Variants in RIMBP2 observed in about 807,000 individuals in gnomAD.
The protein encoded by RIMBP2 is RIMS binding protein 2.
In RIMBP2, 48 loss-of-function variants were observed where a neutral mutation model predicts 118.6. That is an observed-to-expected ratio of 0.40 (90% CI 0.32 to 0.51). The LOEUF (loss-of-function observed/expected upper bound fraction) is 0.51. RIMBP2 is among the 20% of genes least tolerant of loss of function. The probability of loss-of-function intolerance (pLI) is 0.41; values close to 1 mark genes in which losing one functional copy is unlikely to be tolerated. For missense variants in RIMBP2, 1,551 were observed against 1,768.3 expected, an observed-to-expected ratio of 0.88 and a Z score of 2.20; for synonymous variants, 762 against 742.9, an observed-to-expected ratio of 1.03 and a Z score of -0.42.
intron 17 of RIMBP2, chr12:130,414,565 CTCA>C: frequency 3.2e-6 from 1 of 312,360 alleles, no homozygotes; most frequent in Admixed American, 4.6e-5. Context: ...CGGGGGCCTC[CTCA>C]GAGAGCACAG....
At chr12:130,685,672 G>T (rs78936523) in intron 1 of RIMBP2, among the ~76,000 whole-genome samples, 2,639 of 152,230 alleles carry the variant, frequency 0.017, 81 homozygotes, top group African/African-American at 0.061. Context: ...GCCCTTGAAC[G>T]GCTCAGGTTA....
intron 21 of RIMBP2, among the ~76,000 whole-genome samples, chr12:130,405,564 C>T (rs886337111): frequency 6.6e-6 from 1 of 152,052 alleles, no homozygotes; most frequent in African/African-American, 2.4e-5. Flanking sequence ...GAGATAACCC[C>T]ACCCCATTCC....
rs1210794491 is a variant in RIMBP2 at position 130,535,730 on chromosome 12, T to C, written c.-216-17813A>G. Among the ~76,000 whole-genome samples, 6 of 19,036 alleles carry C rather than the reference T, an allele frequency of 3.2e-4. No homozygotes were observed. In the South Asian group the frequency reaches 8.2e-3, roughly 26 times the overall value. The allele number at this position is 19,036 out of a possible 152,430, so 12.5% of individuals were successfully genotyped here. ...ACATATACATATACATATATATACA[T>C]ATATATACATATATATATATATATA... On this transcript the variant is annotated intron_variant, in intron 2 of 22. Transcript: ENST00000690449.
At chr12:130,564,331 G>GTGT (rs1555292836) in intron 2 of RIMBP2, among the ~76,000 whole-genome samples, 1 of 151,684 alleles carries the variant, frequency 6.6e-6, no homozygotes, top group African/African-American at 2.4e-5. Flanking sequence ...TCAGCACTGT[G>GTGT]TTTTTTTCCC....
chr12:130,666,503 G>T (rs2063919999), intron 1 of RIMBP2, among the ~76,000 whole-genome samples: 2 of 152,176 alleles, frequency 1.3e-5, no homozygotes, highest in African/African-American at 4.8e-5. Flanking sequence ...ATACCAAATT[G>T]TGAATCACAC....
intron 3 of RIMBP2, among the ~76,000 whole-genome samples, chr12:130,515,661 T>C (rs1319745562): frequency 6.6e-6 from 1 of 150,708 alleles, no homozygotes; most frequent in Non-Finnish European, 1.5e-5. Flanking sequence ...TACTATAAAT[T>C]TGTAACATGT....
intron 4 of RIMBP2, among the ~76,000 whole-genome samples, chr12:130,482,789 C>A (rs1166214472): frequency 2.0e-5 from 3 of 149,558 alleles, no homozygotes; most frequent in African/African-American, 7.5e-5. Flanking sequence ...GGGCAGACCT[C>A]ATCCCAATAC....
At chr12:130,639,383 T>A (rs1359277184) in intron 1 of RIMBP2, among the ~76,000 whole-genome samples, 4 of 130,898 alleles carry the variant, frequency 3.1e-5, no homozygotes, top group East Asian at 4.5e-4. Context: ...AACTCCATCT[T>A]AAAAAAAAAA....
At chr12:130,646,418 A>ACCACCTCCCTCG (rs2062964915) in intron 1 of RIMBP2, among the ~76,000 whole-genome samples, 1 of 21,696 alleles carries the variant, frequency 4.6e-5, no homozygotes, top group Non-Finnish European at 1.2e-4. Flanking sequence ...CACCTCCCTC[A>ACCACCTCCCTCG]CCACTTCCCT....
intron 1 of RIMBP2, chr12:130,658,506 A>T (rs993498504): frequency 5.9e-5 from 9 of 152,226 alleles, no homozygotes; most frequent in Non-Finnish European, 1.0e-4. Context: ...ACAACAGTTT[A>T]AAAAAAGGAG....
At chr12:130,515,989 C>G (rs1301791519) in intron 3 of RIMBP2, among the ~76,000 whole-genome samples, 4 of 152,228 alleles carry the variant, frequency 2.6e-5, no homozygotes, top group Admixed American at 6.5e-5. Flanking sequence ...TGAGCCACCA[C>G]ACGTGACTGC....
chr12:130,651,266 G>A (rs560553845), intron 1 of RIMBP2: 2 of 152,256 alleles, frequency 1.3e-5, no homozygotes, highest in African/African-American at 4.8e-5. Flanking sequence ...CCCTGCTGGC[G>A]GCCTGAGGAG....
chr12:130,639,179 G>A (rs1039572274), intron 1 of RIMBP2, among the ~76,000 whole-genome samples: 3 of 151,844 alleles, frequency 2.0e-5, no homozygotes, highest in African/African-American at 7.3e-5. Flanking sequence ...CCTGAGGTCA[G>A]GAGTTCGAGA....
At chr12:130,682,385 A>G (rs1245992798) in intron 1 of RIMBP2, among the ~76,000 whole-genome samples, 2 of 152,136 alleles carry the variant, frequency 1.3e-5, no homozygotes, top group Non-Finnish European at 2.9e-5. Context: ...CTCACTGACC[A>G]TTGCACCTCC....
chr12:130,664,156 G>A lies in RIMBP2; in HGVS notation c.-351-35700C>T, dbSNP rs188461526. 1.3e-3 allele frequency among the ~76,000 whole-genome samples: 195 copies of A among 151,822 alleles called. 1 individual carries two copies. Among genetic ancestry groups the A allele is most frequent in the Non-Finnish European group, 1.2e-3 (83 of 68,028 alleles). ...TGTCAACAAATACTGAACCCCACTT[G>A]GTAAAGTCTTTTCCCCTAGGATTAA... On this transcript the variant is annotated intron_variant, in intron 1 of 22. Coordinates refer to ENST00000690449, the MANE Select transcript of RIMBP2 (RefSeq NM_001393629.1).
At chr12:130,439,730 GGTGT>G (rs754728081) in intron 11 of RIMBP2, among the ~76,000 whole-genome samples, 2 of 116,158 alleles carry the variant, frequency 1.7e-5, no homozygotes, top group African/African-American at 6.8e-5. Context: ...GGTGTTTGTG[GGTGT>G]GTGTATGTGG....
intron 10 of RIMBP2, among the ~76,000 whole-genome samples, chr12:130,444,485 C>A (rs181084363): frequency 1.3e-5 from 2 of 152,172 alleles, no homozygotes; most frequent in Non-Finnish European, 2.9e-5. Context: ...ACCAAGACCA[C>A]GCTATTTGTC....
chr12:130,516,067 C>G (rs11611862), intron 3 of RIMBP2, among the ~76,000 whole-genome samples: 7,855 of 152,198 alleles, frequency 0.052, 267 homozygotes, highest in South Asian at 0.16. Flanking sequence ...ATTTTTTGAG[C>G]AAATTCCATA....
At chr12:130,439,930 G>T (rs1217578748) in intron 11 of RIMBP2, among the ~76,000 whole-genome samples, 3 of 150,412 alleles carry the variant, frequency 2.0e-5, no homozygotes, top group Non-Finnish European at 1.5e-5. Context: ...GGTGTCTGTG[G>T]GTGTGTGTAC....
Sources: gnomAD v4.1 joint callset for allele counts (sites outside exome capture counted in the v4.1 genomes callset) on GRCh38, gnomAD v4.1.1 for gene constraint, MANE v1.5 for transcripts, NCBI Gene and HGNC (gene_info 2026-07-23, HGNC 2026-07-21) for gene names.